Variants in CNTN5 observed in about 807,000 individuals in gnomAD.
The protein encoded by CNTN5 is contactin-5.
Under a neutral mutation model 129.1 loss-of-function variants are expected in CNTN5, and 77 were observed. That is an observed-to-expected ratio of 0.60 (90% CI 0.50 to 0.72). The LOEUF is 0.72. Ranked by LOEUF, CNTN5 falls within the 30% of genes least tolerant of loss-of-function variation. The pLI, the probability that CNTN5 is intolerant of heterozygous loss-of-function variation, is 0.00. For missense variants in CNTN5, 1,478 were observed against 1,328.8 expected (o/e 1.11, Z -1.75); for synonymous variants, 509 against 465.6 (o/e 1.09, Z -1.20).
At chr11:99,647,305 C>T (rs1018835162) in intron 3 of CNTN5, among the ~76,000 whole-genome samples, 2 of 151,968 alleles carry the variant, frequency 1.3e-5, no homozygotes, top group African/African-American at 4.8e-5. Flanking sequence ...CTGTACTTTC[C>T]CCCGTGAAAG....
chr11:99,803,979 G>A (rs139018688), intron 3 of CNTN5, among the ~76,000 whole-genome samples: 1 of 152,208 alleles, frequency 6.6e-6, no homozygotes, highest in African/African-American at 2.4e-5. Flanking sequence ...TTAAAAATGA[G>A]ATGAAAAACT....
At chr11:99,578,737 T>A (rs1949457088) in intron 3 of CNTN5, among the ~76,000 whole-genome samples, 1 of 151,974 alleles carries the variant, frequency 6.6e-6, no homozygotes, top group Non-Finnish European at 1.5e-5. Context: ...TAGCCCTTTG[T>A]CAGATGAGTA....
At chr11:99,199,064 A>T (rs182093445) in intron 1 of CNTN5, among the ~76,000 whole-genome samples, 166 of 152,290 alleles carry the variant, frequency 1.1e-3, no homozygotes, top group African/African-American at 3.9e-3. Flanking sequence ...GTTGGTAATG[A>T]TTGTATGGAA....
intron 3 of CNTN5, among the ~76,000 whole-genome samples, chr11:99,559,532 T>C (rs1360676530): frequency 6.6e-6 from 1 of 152,110 alleles, no homozygotes; most frequent in African/African-American, 2.4e-5. Context: ...AAAATCCAAA[T>C]AAATAAAAAT....
At chr11:99,311,825 G>T (rs1264837950) in intron 1 of CNTN5, among the ~76,000 whole-genome samples, 5 of 152,062 alleles carry the variant, frequency 3.3e-5, no homozygotes, top group Non-Finnish European at 5.9e-5. Context: ...ATAGCTCTTT[G>T]TCCTCAAAGC....
chr11:100,043,248 A>G (rs1169852255), intron 9 of CNTN5, among the ~76,000 whole-genome samples: 1 of 152,220 alleles, frequency 6.6e-6, no homozygotes, highest in Non-Finnish European at 1.5e-5. Flanking sequence ...GTTGTTATGT[A>G]CTATATAAAT....
intron 1 of CNTN5, among the ~76,000 whole-genome samples, chr11:99,067,124 CACTG>C (rs1865133917): frequency 6.6e-6 from 1 of 152,152 alleles, no homozygotes; most frequent in African/African-American, 2.4e-5. Flanking sequence ...TCACCAAGGA[CACTG>C]ACTAATACAC....
intron 6 of CNTN5, among the ~76,000 whole-genome samples, chr11:99,851,694 C>A (rs372367972): frequency 4.6e-5 from 7 of 152,148 alleles, no homozygotes; most frequent in African/African-American, 1.7e-4. Context: ...TGCTTTTCAG[C>A]GCATTTAGTG....
intron 2 of CNTN5, among the ~76,000 whole-genome samples, chr11:99,386,046 A>G (rs944417569): frequency 1.3e-5 from 2 of 152,198 alleles, no homozygotes; most frequent in Non-Finnish European, 2.9e-5. Context: ...TCTGAAGACA[A>G]AGATCAACGG....
At chr11:99,180,489 A>G (rs1442539327) in intron 1 of CNTN5, among the ~76,000 whole-genome samples, 1 of 152,158 alleles carries the variant, frequency 6.6e-6, no homozygotes, top group Non-Finnish European at 1.5e-5. Flanking sequence ...GGAACACAAA[A>G]AGGTCAACTT....
intron 7 of CNTN5, among the ~76,000 whole-genome samples, chr11:99,943,543 T>C (rs1950489633): frequency 6.6e-6 from 1 of 152,100 alleles, no homozygotes; most frequent in Non-Finnish European, 1.5e-5. Context: ...TTTAATTAGA[T>C]CCCATTTGTC....
chr11:99,143,918 G>A (rs1859655575), intron 1 of CNTN5, among the ~76,000 whole-genome samples: 1 of 152,110 alleles, frequency 6.6e-6, no homozygotes, highest in Non-Finnish European at 1.5e-5. Flanking sequence ...CCTACAAACT[G>A]TTGTTCCATC....
At chr11:99,036,434 ATG>A (rs1182367325) in intron 1 of CNTN5, among the ~76,000 whole-genome samples, 1 of 152,162 alleles carries the variant, frequency 6.6e-6, no homozygotes, top group Non-Finnish European at 1.5e-5. Context: ...CATAACAAAA[ATG>A]TATCTAATTT....
intron 6 of CNTN5, among the ~76,000 whole-genome samples, chr11:99,866,789 A>G (rs1948368307): frequency 6.6e-6 from 1 of 152,186 alleles, no homozygotes; most frequent in Admixed American, 6.5e-5. Context: ...AGGTCAGACT[A>G]CATTTCAGCA....
intron 8 of CNTN5, among the ~76,000 whole-genome samples, chr11:99,963,377 G>C (rs899329860): frequency 2.0e-5 from 3 of 152,092 alleles, no homozygotes; most frequent in African/African-American, 7.2e-5. Flanking sequence ...TTCTACATAT[G>C]GCTAGCCAGT....
At chr11:99,966,041 A>T (rs2136208147) in intron 8 of CNTN5, among the ~76,000 whole-genome samples, 1 of 152,260 alleles carries the variant, frequency 6.6e-6, no homozygotes, top group Middle Eastern at 3.4e-3. Context: ...CATTACAATG[A>T]ATGTTTCTGC....
At chr11:99,053,642 A>G (rs1468858545) in intron 1 of CNTN5, among the ~76,000 whole-genome samples, 1 of 151,828 alleles carries the variant, frequency 6.6e-6, no homozygotes, top group Non-Finnish European at 1.5e-5. Flanking sequence ...GGTGTTTAAG[A>G]TGTAATTGAA....
At chr11:99,297,745 T>G (rs1168424071) in intron 1 of CNTN5, among the ~76,000 whole-genome samples, 5 of 152,166 alleles carry the variant, frequency 3.3e-5, no homozygotes, top group Admixed American at 3.3e-4. Context: ...CAATGATTTT[T>G]CATACCTCAG....
At chr11:100,287,663 G>A (rs1455190896) in intron 18 of CNTN5, among the ~76,000 whole-genome samples, 7 of 152,018 alleles carry the variant, frequency 4.6e-5, no homozygotes, top group African/African-American at 1.7e-4. Flanking sequence ...ATGCCAAAAT[G>A]TAAAGACCTT....
Sources: gnomAD v4.1 joint callset for allele counts (sites outside exome capture counted in the v4.1 genomes callset) on GRCh38, gnomAD v4.1.1 for gene constraint, MANE v1.5 for transcripts, NCBI Gene and HGNC (gene_info 2026-07-23, HGNC 2026-07-21) for gene names.